The following IGF2BP3 variants were observed in gnomAD, a reference collection of about 807,000 sequenced individuals.
The protein encoded by IGF2BP3 is insulin like growth factor 2 mRNA binding protein 3.
A neutral mutation model predicts 73.8 loss-of-function variants in IGF2BP3; 9 were observed. The observed-to-expected ratio is 0.12, with a 90% CI of 0.07 to 0.21. IGF2BP3 has a LOEUF of 0.21. Among genes scored for constraint, IGF2BP3 ranks in the 10% least tolerant of loss-of-function variants. The pLI is 1.00. For synonymous variants in IGF2BP3, 258 were observed against 256.7 expected, an observed-to-expected ratio of 1.01 and a Z score of -0.05; for missense variants, 542 against 714.0, an observed-to-expected ratio of 0.76 and a Z score of 2.75.
chr7:23,429,119 G>C (rs1787603070), intron 2 of IGF2BP3, among the ~76,000 whole-genome samples: 1 of 152,136 alleles, frequency 6.6e-6, no homozygotes, highest in Admixed American at 6.6e-5. Context: ...GGTCACTAGA[G>C]GCACTCATTA....
intron 3 of IGF2BP3, among the ~76,000 whole-genome samples, chr7:23,391,039 T>C (rs1417893675): frequency 6.6e-6 from 1 of 151,680 alleles, no homozygotes. Context: ...CCTCAAGTGA[T>C]CTGCCCGTCT....
At chr7:23,370,452 C>T (rs1785509557) in intron 3 of IGF2BP3, among the ~76,000 whole-genome samples, 1 of 152,140 alleles carries the variant, frequency 6.6e-6, no homozygotes, top group Non-Finnish European at 1.5e-5. Flanking sequence ...GCATTATAGT[C>T]TGTGTACCAA....
intron 3 of IGF2BP3, among the ~76,000 whole-genome samples, chr7:23,363,253 C>T (rs916031404): frequency 1.3e-5 from 2 of 152,020 alleles, no homozygotes; most frequent in Non-Finnish European, 2.9e-5. Context: ...GGGTGAGCTT[C>T]TGTTTTTAGT....
intron 8 of IGF2BP3, 115 bp from the exon 9 acceptor site, chr7:23,343,968 G>T: frequency 1.0e-6 from 1 of 991,686 alleles, no homozygotes; most frequent in Non-Finnish European, 1.5e-6. Context: ...ATATGTAAAA[G>T]TGGGTGGTAA....
chr7:23,427,936 G>A (rs1182456988), intron 2 of IGF2BP3, among the ~76,000 whole-genome samples: 1 of 152,114 alleles, frequency 6.6e-6, no homozygotes, highest in Non-Finnish European at 1.5e-5. Flanking sequence ...AACCCAGGAG[G>A]CGGAGGTTGT....
intron 2 of IGF2BP3, among the ~76,000 whole-genome samples, chr7:23,441,802 T>C (rs958297072): frequency 8.6e-5 from 13 of 152,024 alleles, no homozygotes; most frequent in African/African-American, 3.1e-4. Context: ...ATAAATCTGT[T>C]TATAAATTGA....
chr7:23,321,454 G>A (rs1033194886), intron 10 of IGF2BP3, among the ~76,000 whole-genome samples: 4 of 152,226 alleles, frequency 2.6e-5, no homozygotes, highest in Non-Finnish European at 5.9e-5. Context: ...TGCTAGCACA[G>A]CAGTCTGAGA....
chr7:23,435,617 G>A (rs1319268781), intron 2 of IGF2BP3, among the ~76,000 whole-genome samples: 10 of 151,802 alleles, frequency 6.6e-5, no homozygotes, highest in African/African-American at 1.9e-4. Flanking sequence ...CACCACGCCC[G>A]GCTAATTTTT....
chr7:23,422,760 T>C (rs1378540756), intron 2 of IGF2BP3, among the ~76,000 whole-genome samples: 1 of 152,214 alleles, frequency 6.6e-6, no homozygotes, highest in East Asian at 1.9e-4. Flanking sequence ...CTCTTAAGTT[T>C]CATTTTAGAC....
intron 11 of IGF2BP3, 135 bp downstream of exon 11, chr7:23,319,003 T>C (rs767927273): frequency 4.8e-6 from 3 of 629,446 alleles, no homozygotes; most frequent in Non-Finnish European, 5.5e-6. Context: ...CCACTGTTGT[T>C]TGGGGGTTTC....
In IGF2BP3 at chr7:23,368,002, T is replaced by TA. The variant is rs780410827; in HGVS notation, c.286-6262dup. On this transcript the variant is annotated intron_variant, in intron 3 of 14. Transcript: ENST00000258729. ...GCAACAGATAGAGACTCCATCTATTTAAAAACAAAAAAAAACAAAAAAACA... is the reference window on the plus strand; with the variant it reads ...GCAACAGATAGAGACTCCATCTATTTAAAAAACAAAAAAAAACAAAAAAACA... 6.9e-3 allele frequency among the ~76,000 whole-genome samples: 1,015 copies of TA among 147,136 alleles called. 1 individual carries two copies. Among genetic ancestry groups the TA allele is most frequent in the Non-Finnish European group, 0.012 (831 of 67,422 alleles).
At chr7:23,462,242 T>C (rs186679702) in intron 2 of IGF2BP3, among the ~76,000 whole-genome samples, 1 of 152,322 alleles carries the variant, frequency 6.6e-6, no homozygotes, top group Non-Finnish European at 1.5e-5. Context: ...AGATAACTGA[T>C]ATACCATAAC....
intron 5 of IGF2BP3, among the ~76,000 whole-genome samples, chr7:23,356,787 G>A (rs1785106918): frequency 6.6e-6 from 1 of 152,116 alleles, no homozygotes; most frequent in Non-Finnish European, 1.5e-5. Context: ...GTACCGTAAT[G>A]CAATAAATAT....
intron 5 of IGF2BP3, among the ~76,000 whole-genome samples, chr7:23,354,251 C>T (rs1393589647): frequency 6.6e-6 from 1 of 152,168 alleles, no homozygotes; most frequent in African/African-American, 2.4e-5. Context: ...CCTCGGCCTC[C>T]CAAAGTGCTG....
chr7:23,418,753 A>AT lies in IGF2BP3; in HGVS notation c.285+22dup. 3 of 1,512,566 alleles carry AT rather than the reference A, an allele frequency of 2.0e-6. No homozygotes were observed. In the South Asian group the frequency reaches 3.6e-5, roughly 18 times the overall value. The allele number at this position is 1,512,566 out of a possible 1,614,324, so 93.7% of individuals were successfully genotyped here. On this transcript the variant is annotated intron_variant, in intron 3 of 14. Transcript: ENST00000258729. ...AATAGGCTTCCATACTTAGATCTTA[A>AT]TTTTAAATACAGAAATTCTTACCTC...
chr7:23,467,010 G>A (rs1176795161), intron 2 of IGF2BP3, among the ~76,000 whole-genome samples: 2 of 152,066 alleles, frequency 1.3e-5, no homozygotes, highest in Non-Finnish European at 2.9e-5. Context: ...TTCAGGCTAT[G>A]GCTTTAAGCT....
chr7:23,362,285 T>C (rs1346995277), intron 3 of IGF2BP3, among the ~76,000 whole-genome samples: 1 of 151,718 alleles, frequency 6.6e-6, no homozygotes, highest in Non-Finnish European at 1.5e-5. Context: ...AAAAAAAAAC[T>C]AAAGTTTTAT....
In IGF2BP3 at chr7:23,415,101, T is replaced by C. The variant is rs1462031212; in HGVS notation, c.285+3675A>G. The C allele has an allele frequency of 2.8e-5, 6 of 212,766 alleles. No homozygotes were observed. The South Asian group carries it at 3.0e-4, about 11-fold the overall frequency. The allele number at this position is 212,766 out of a possible 1,614,324, so 13.2% of individuals were successfully genotyped here. A position where few individuals can be genotyped will look rare whatever the true frequency, so the allele number is the denominator to read the frequency against. ...CAGTCGGCTTTACCACATTAGCAGG[T>C]CCCGTCCGTCAGTCGGCTTCACTGC... is the stretch of plus-strand genomic sequence containing the variant. On this transcript the variant is annotated intron_variant, in intron 3 of 14. Transcript: ENST00000258729.
chr7:23,386,514 T>C (rs13242451), intron 3 of IGF2BP3, among the ~76,000 whole-genome samples: 7,509 of 152,056 alleles, frequency 0.049, 273 homozygotes, highest in Non-Finnish European at 0.072. Flanking sequence ...AGCTGGAACA[T>C]CAGAACAGCA....
Sources: gnomAD v4.1 joint callset for allele counts (sites outside exome capture counted in the v4.1 genomes callset) on GRCh38, gnomAD v4.1.1 for gene constraint, MANE v1.5 for transcripts, NCBI Gene and HGNC (gene_info 2026-07-23, HGNC 2026-07-21) for gene names.